ARL8B: variants seen among roughly 807,000 people sequenced by gnomAD.
The protein encoded by ARL8B is ARF like GTPase 8B.
Under a neutral mutation model 30.6 loss-of-function variants are expected in ARL8B, and 9 were observed. The ratio of observed to expected loss-of-function variants is 0.29; its 90% CI spans 0.18 to 0.51. The LOEUF (loss-of-function observed/expected upper bound fraction) is 0.51. Ranked by LOEUF, ARL8B falls within the 20% of genes least tolerant of loss-of-function variation. The pLI, the probability that ARL8B is intolerant of heterozygous loss-of-function variation, is 0.97. For missense variants in ARL8B, 130 were observed against 227.2 expected, an observed-to-expected ratio of 0.57 and a Z score of 2.75; for synonymous variants, 74 against 76.0, an observed-to-expected ratio of 0.97 and a Z score of 0.14.
At chr3:5,152,565 A>G (rs1216816379) in intron 1 of ARL8B, among the ~76,000 whole-genome samples, 1 of 152,088 alleles carries the variant, frequency 6.6e-6, no homozygotes, top group African/African-American at 2.4e-5. Context: ...GCTCACTGCC[A>G]CCTCCAACTC....
At chr3:5,125,302 C>A (rs1330759854) in intron 1 of ARL8B, among the ~76,000 whole-genome samples, 5 of 152,086 alleles carry the variant, frequency 3.3e-5, no homozygotes, top group African/African-American at 1.2e-4. Flanking sequence ...CTGTTTAATG[C>A]AGGAACGATG....
chr3:5,152,688 G>A (rs1485578315), intron 1 of ARL8B, among the ~76,000 whole-genome samples: 1 of 152,162 alleles, frequency 6.6e-6, no homozygotes, highest in Admixed American at 6.5e-5. Flanking sequence ...GTCTTGCTAG[G>A]TTGCTCAGGC....
intron 1 of ARL8B, among the ~76,000 whole-genome samples, chr3:5,140,114 G>T (rs2054359732): frequency 6.6e-6 from 1 of 151,818 alleles, no homozygotes; most frequent in South Asian, 2.1e-4. Context: ...ACTTTGGGGA[G>T]CGTGTGTGGC....
chr3:5,127,918 A>G (rs1052212702), intron 1 of ARL8B, among the ~76,000 whole-genome samples: 1 of 145,828 alleles, frequency 6.9e-6, no homozygotes, highest in African/African-American at 2.5e-5. Context: ...GGCCAGGCGC[A>G]ATGGCTTACG....
chr3:5,140,298 T>C (rs996873679), intron 1 of ARL8B, among the ~76,000 whole-genome samples: 1 of 152,184 alleles, frequency 6.6e-6, no homozygotes, highest in South Asian at 2.1e-4. Context: ...TTCCCCATAC[T>C]GTTTTTTGAG....
intron 1 of ARL8B, among the ~76,000 whole-genome samples, chr3:5,126,213 A>G (rs1007259116): frequency 7.9e-5 from 12 of 152,136 alleles, no homozygotes; most frequent in African/African-American, 2.9e-4. Flanking sequence ...TAGTGATTAA[A>G]GATGATTTTA....
chr3:5,147,543 TTCTC>T (rs2054439354), intron 1 of ARL8B, among the ~76,000 whole-genome samples: 1 of 152,132 alleles, frequency 6.6e-6, no homozygotes, highest in African/African-American at 2.4e-5. Context: ...TTTCCCTTCT[TTCTC>T]TATGTCAGAA....
intron 6 of ARL8B, among the ~76,000 whole-genome samples, chr3:5,176,221 A>G (rs1348424149): frequency 6.6e-6 from 1 of 152,086 alleles, no homozygotes; most frequent in Non-Finnish European, 1.5e-5. Flanking sequence ...CCGCCTGCAA[A>G]CATGGCTTTA....
intron 1 of ARL8B, among the ~76,000 whole-genome samples, chr3:5,156,566 C>T (rs1303803903): frequency 6.6e-6 from 1 of 152,186 alleles, no homozygotes; most frequent in Non-Finnish European, 1.5e-5. Flanking sequence ...CAGGCACACA[C>T]CACCATGCCC....
At chr3:5,146,787 G>C (rs1440587843) in intron 1 of ARL8B, among the ~76,000 whole-genome samples, 3 of 152,094 alleles carry the variant, frequency 2.0e-5, no homozygotes, top group African/African-American at 7.2e-5. Flanking sequence ...TTGAATATTG[G>C]AACCTGAAAT....
rs1379226163 is a variant in ARL8B, at chr3:5,180,208, T to A, written c.*1495T>A. 1.3e-5 allele frequency: 2 copies of A among 152,672 alleles called. No individual in the cohort carries two copies. Among genetic ancestry groups the A allele is most frequent in the Non-Finnish European group, 2.9e-5 (2 of 68,040 alleles). The allele number at this position is 152,672 out of a possible 1,614,324, so 9.5% of individuals were successfully genotyped here. On this transcript the variant is annotated 3_prime_UTR_variant, in exon 7 of 7. Coordinates refer to ENST00000256496, the MANE Select transcript of ARL8B (RefSeq NM_018184.3). Reference sequence around the variant, plus strand: ...TTTTAATTTATAGACTGCCATGGCCTTAAAAATATTCTGTACAATATACTG... The same window carrying A: ...TTTTAATTTATAGACTGCCATGGCCATAAAAATATTCTGTACAATATACTG...
intron 1 of ARL8B, among the ~76,000 whole-genome samples, chr3:5,141,368 A>G (rs1218655792): frequency 6.6e-6 from 1 of 152,214 alleles, no homozygotes; most frequent in Non-Finnish European, 1.5e-5. Flanking sequence ...GAAGTCATTT[A>G]CTTTCTTCCT....
At chr3:5,125,165 G>C (rs1165970339) in intron 1 of ARL8B, among the ~76,000 whole-genome samples, 1 of 152,156 alleles carries the variant, frequency 6.6e-6, no homozygotes, top group Non-Finnish European at 1.5e-5. Context: ...TGGAGGTAAT[G>C]ATATGTTTCT....
intron 1 of ARL8B, among the ~76,000 whole-genome samples, chr3:5,166,009 G>A (rs1247718739): frequency 1.3e-5 from 2 of 150,788 alleles, no homozygotes; most frequent in Admixed American, 6.6e-5. Flanking sequence ...AGTTGCACCC[G>A]CCCCCTCACC....
intron 4 of ARL8B, among the ~76,000 whole-genome samples, chr3:5,173,731 A>T (rs1004222541): frequency 1.3e-5 from 2 of 152,108 alleles, no homozygotes; most frequent in African/African-American, 4.8e-5. Context: ...ACAAACAAAC[A>T]AACAAACAAA....
intron 1 of ARL8B, among the ~76,000 whole-genome samples, chr3:5,159,804 C>T (rs1281277977): frequency 6.6e-6 from 1 of 151,772 alleles, no homozygotes; most frequent in Non-Finnish European, 1.5e-5. Flanking sequence ...CATAGAAGGG[C>T]ACACAATGAC....
At chr3:5,129,107 G>A (rs1320029404) in intron 1 of ARL8B, among the ~76,000 whole-genome samples, 3 of 152,190 alleles carry the variant, frequency 2.0e-5, no homozygotes, top group Admixed American at 6.5e-5. Flanking sequence ...CGCATTTTAT[G>A]TCATATGGCC....
chr3:5,125,719 G>C (rs571153140), intron 1 of ARL8B, among the ~76,000 whole-genome samples: 1 of 152,098 alleles, frequency 6.6e-6, no homozygotes, highest in Non-Finnish European at 1.5e-5. Context: ...TTTTAGTAGA[G>C]ACGGGGTTTC....
At chr3:5,124,304 C>T (rs2054210493) in intron 1 of ARL8B, among the ~76,000 whole-genome samples, 1 of 123,628 alleles carries the variant, frequency 8.1e-6, no homozygotes, top group Admixed American at 1.0e-4. Context: ...ACAAGATCTT[C>T]CTATGTTGCC....
Sources: allele counts gnomAD v4.1 joint callset (sites outside exome capture counted in the v4.1 genomes callset), GRCh38; gene constraint gnomAD v4.1.1; transcripts MANE v1.5; gene names NCBI Gene and HGNC (gene_info 2026-07-23, HGNC 2026-07-21).